Variants in BRINP2 observed in about 807,000 individuals in gnomAD.
The protein encoded by BRINP2 is BMP/retinoic acid-inducible neural-specific protein 2.
Under a neutral mutation model 69.2 loss-of-function variants are expected in BRINP2, and 21 were observed. The observed-to-expected ratio is 0.30, with a 90% CI of 0.22 to 0.44. BRINP2 has a LOEUF of 0.44. BRINP2 is among the 20% of genes least tolerant of loss of function. BRINP2 has a pLI of 1.00. For synonymous variants in BRINP2, 380 were observed against 394.1 expected, an observed-to-expected ratio of 0.96 and a Z score of 0.42; for missense variants, 877 against 986.0, an observed-to-expected ratio of 0.89 and a Z score of 1.48.
At position 177,276,356 on chromosome 1, in the gene BRINP2, G is replaced by A; in HGVS notation, c.934G>A (p.Asp312Asn). 2 of 1,614,206 alleles carry A rather than the reference G, an allele frequency of 1.2e-6. No homozygotes were observed. Among genetic ancestry groups the A allele is most frequent in the East Asian group, 4.5e-5 (2 of 44,880 alleles). ...CCCTGAATGCAACTGCCCTGATGCT[G>A]ACATCCAGGCCATGGAGGACAGCCT... Reference protein sequence around the residue: ...TFPECNCPDADIQAMEDSLLQ... With the variant: ...TFPECNCPDANIQAMEDSLLQ... The change falls in exon 6 of 8, where the codon GAC (aspartate) becomes AAC (asparagine). Residue 312 changes from aspartate to asparagine, a missense_variant. Coordinates refer to ENST00000361539, the MANE Select transcript of BRINP2 (RefSeq NM_021165.4).
chr1:177,232,326 A>G (rs1315459417), intron 2 of BRINP2, among the ~76,000 whole-genome samples: 1 of 152,124 alleles, frequency 6.6e-6, no homozygotes, highest in Non-Finnish European at 1.5e-5. Context: ...TCATTTCTGC[A>G]CCATCAACTG....
At chr1:177,201,557 A>G (rs973927955) in intron 1 of BRINP2, among the ~76,000 whole-genome samples, 6 of 152,312 alleles carry the variant, frequency 3.9e-5, no homozygotes, top group African/African-American at 1.4e-4. Flanking sequence ...TGCTTGAAGA[A>G]TTAAAATTTG....
At chr1:177,232,593 C>G (rs1409211946) in intron 2 of BRINP2, among the ~76,000 whole-genome samples, 1 of 152,134 alleles carries the variant, frequency 6.6e-6, no homozygotes, top group African/African-American at 2.4e-5. Context: ...CTCATGCGCA[C>G]TTGTAGGGCT....
chr1:177,241,804 G>A (rs900423656), intron 2 of BRINP2, among the ~76,000 whole-genome samples: 1 of 152,088 alleles, frequency 6.6e-6, no homozygotes, highest in South Asian at 2.1e-4. Context: ...GAAGACTAGC[G>A]ACAGTGGTGC....
chr1:177,244,513 C>A (rs1558174101), intron 2 of BRINP2, among the ~76,000 whole-genome samples: 1 of 152,144 alleles, frequency 6.6e-6, no homozygotes, highest in Non-Finnish European at 1.5e-5. Context: ...GCCTGTCGTC[C>A]CAGCTACTCG....
chr1:177,198,926 T>C (rs1447248146), intron 1 of BRINP2, among the ~76,000 whole-genome samples: 1 of 152,180 alleles, frequency 6.6e-6, no homozygotes, highest in Non-Finnish European at 1.5e-5. Context: ...TCATATCTGA[T>C]GTCTCCCTTC....
At chr1:177,187,277 C>T (rs1437302640) in intron 1 of BRINP2, among the ~76,000 whole-genome samples, 2 of 152,176 alleles carry the variant, frequency 1.3e-5, no homozygotes, top group Non-Finnish European at 2.9e-5. Context: ...GCTTACGGCA[C>T]ATCCAGGCTG....
intron 1 of BRINP2, among the ~76,000 whole-genome samples, chr1:177,174,907 A>G (rs1648042919): frequency 6.6e-6 from 1 of 152,202 alleles, no homozygotes. Flanking sequence ...AGTCTAATCT[A>G]TATATTGTGG....
In BRINP2 at chr1:177,278,679, G is replaced by A. The variant is rs775611995; in HGVS notation, c.1129G>A (p.Ala377Thr). 1 of 1,614,232 alleles carries A rather than the reference G, an allele frequency of 6.2e-7. No homozygotes were observed. The highest frequency in any genetic ancestry group is 1.7e-5 in the Admixed American group (1 of 60,030). The change falls in exon 7 of 8, where the codon GCT (alanine) becomes ACT (threonine). Residue 377 changes from alanine to threonine, a missense_variant. Transcript: ENST00000361539. ...SLQHRYQQLG[A>T]GLKVLFKKTH... Reference sequence around the variant, plus strand: ...TCAGCACCGCTACCAGCAGCTGGGAGCTGGCTTGAAAGTGCTGTTCAAAAA... The same window carrying A: ...TCAGCACCGCTACCAGCAGCTGGGAACTGGCTTGAAAGTGCTGTTCAAAAA...
intron 2 of BRINP2, among the ~76,000 whole-genome samples, chr1:177,236,554 A>T (rs1650034076): frequency 1.3e-5 from 2 of 152,248 alleles, no homozygotes; most frequent in Non-Finnish European, 2.9e-5. Flanking sequence ...AATAGACTAT[A>T]AACAAGGTTG....
rs1358245682 is a variant in BRINP2, at chr1:177,256,888, A to G, written c.461-288A>G. ...TGAGAGAGAGAATTGTGTCTCCCCT[A>G]TGAAGATGGATTGCTTGAGACAGAG... On this transcript the variant is annotated intron_variant, in intron 3 of 7. Coordinates refer to ENST00000361539, the MANE Select transcript of BRINP2 (RefSeq NM_021165.4). The G allele has an allele frequency of 3.2e-6, 4 of 1,234,470 alleles. No individual in the cohort carries two copies. In the South Asian group the frequency reaches 4.7e-5, roughly 15 times the overall value. 76.5% of individuals were successfully genotyped at this position (1,234,470 alleles called of 1,614,324 possible). A position where few individuals can be genotyped will look rare whatever the true frequency, so the allele number is the denominator to read the frequency against.
intron 1 of BRINP2, among the ~76,000 whole-genome samples, chr1:177,193,902 T>C (rs891358784): frequency 1.3e-5 from 2 of 152,214 alleles, no homozygotes; most frequent in Non-Finnish European, 2.9e-5. Context: ...GAAACAAAAC[T>C]TCAGGGGAAT....
intron 1 of BRINP2, among the ~76,000 whole-genome samples, chr1:177,179,172 TA>T (rs1250286416): frequency 5.9e-5 from 9 of 152,242 alleles, no homozygotes. Flanking sequence ...AACAAATAAA[TA>T]ATTTCAAGTG....
At position 177,225,613 on chromosome 1, in the gene BRINP2, G is replaced by C. The variant is rs372316639; in HGVS notation, c.-76-4188G>C. 3.4e-4 allele frequency among the ~76,000 whole-genome samples: 52 copies of C among 152,282 alleles called. No individual in the cohort carries two copies. In the East Asian group the frequency reaches 7.3e-3, roughly 21 times the overall value. On this transcript the variant is annotated intron_variant, in intron 1 of 7. Transcript: ENST00000361539. ...TTAGACAGTTAAAATTTGCTTGACA[G>C]GTTGCTGCAGCAAAATTTCTAGTGA...
chr1:177,196,229 C>A (rs972759451), intron 1 of BRINP2, among the ~76,000 whole-genome samples: 1 of 152,176 alleles, frequency 6.6e-6, no homozygotes, highest in African/African-American at 2.4e-5. Context: ...ACCTTAGAAT[C>A]ACCTAATGAA....
At chr1:177,277,217 A>G (rs949416915) in intron 6 of BRINP2, among the ~76,000 whole-genome samples, 7 of 150,184 alleles carry the variant, frequency 4.7e-5, no homozygotes, top group African/African-American at 1.7e-4. Context: ...TATAATACAT[A>G]TGTAATACTA....
intron 1 of BRINP2, among the ~76,000 whole-genome samples, chr1:177,188,838 T>C (rs1423825390): frequency 1.3e-5 from 2 of 152,144 alleles, no homozygotes; most frequent in Non-Finnish European, 1.5e-5. Flanking sequence ...AACCCACACC[T>C]ATCTTTCCTG....
intron 4 of BRINP2, among the ~76,000 whole-genome samples, 198 bp downstream of exon 4, chr1:177,257,582 T>C (rs1650811318): frequency 6.6e-6 from 1 of 152,184 alleles, no homozygotes; most frequent in Admixed American, 6.5e-5. Flanking sequence ...GCACCCACTC[T>C]GAGGCAGGCT....
chr1:177,255,056 C>A (rs1028483932), intron 2 of BRINP2, among the ~76,000 whole-genome samples: 2 of 152,200 alleles, frequency 1.3e-5, no homozygotes, highest in Non-Finnish European at 2.9e-5. Flanking sequence ...GAAAAGTTCA[C>A]TGATATGATT....
Sources: gnomAD v4.1 joint callset for allele counts (sites outside exome capture counted in the v4.1 genomes callset) on GRCh38, gnomAD v4.1.1 for gene constraint, MANE v1.5 for transcripts, NCBI Gene and HGNC (gene_info 2026-07-23, HGNC 2026-07-21) for gene names.